MEAF6: variants seen among roughly 807,000 people sequenced by gnomAD.
MEAF6 encodes the protein MYST/Esa1 associated factor 6.
In MEAF6, 15 loss-of-function variants were observed where a neutral mutation model predicts 28.9. That is an observed-to-expected ratio of 0.52 (90% confidence interval 0.35 to 0.80). The LOEUF is 0.80. Among genes scored for constraint, MEAF6 ranks in the 30% least tolerant of loss-of-function variants. The pLI, the probability that MEAF6 is intolerant of heterozygous loss-of-function variation, is 0.01. For missense variants in MEAF6, 178 were observed against 237.5 expected, an observed-to-expected ratio of 0.75 and a Z score of 1.65; for synonymous variants, 97 against 88.7, an observed-to-expected ratio of 1.09 and a Z score of -0.53.
At chr1:37,512,668 C>G (rs1642707105) in intron 2 of MEAF6, among the ~76,000 whole-genome samples, 1 of 152,150 alleles carries the variant, frequency 6.6e-6, no homozygotes, top group Admixed American at 6.5e-5. Context: ...GGCAGGAGGA[C>G]TGCTTGAAAC....
At chr1:37,496,583 C>A in intron 5 of MEAF6, 2 of 1,450,782 alleles carry the variant, frequency 1.4e-6, no homozygotes, top group Non-Finnish European at 1.8e-6. Flanking sequence ...AAAAACTTCC[C>A]AGCCTAACCT....
intron 5 of MEAF6, chr1:37,496,651 C>T: frequency 1.9e-6 from 3 of 1,543,890 alleles, no homozygotes; most frequent in Non-Finnish European, 1.8e-6. Context: ...CTCAAAAAGG[C>T]ATACTGGTGT....
At chr1:37,497,318 A>G (rs1298708113) in intron 5 of MEAF6, among the ~76,000 whole-genome samples, 1 of 152,064 alleles carries the variant, frequency 6.6e-6, no homozygotes, top group Non-Finnish European at 1.5e-5. Flanking sequence ...GGCTCACTGC[A>G]AGCTCTGCCT....
rs1641917006 is a variant in MEAF6, at chr1:37,491,151, C to T, written c.*2948G>A. 6.6e-6 allele frequency among the ~76,000 whole-genome samples: 1 copy of T among 152,316 alleles called. No individual in the cohort carries two copies. Among genetic ancestry groups the T allele is most frequent in the South Asian group, 2.1e-4 (1 of 4,832 alleles). ...AAGCTTAGGCTCTTTAACTTTCAAG[C>T]TTAGACTATTTATCGCTCATTTTAA... On this transcript the variant is annotated 3_prime_UTR_variant, in exon 7 of 7. Transcript: ENST00000296214.
At chr1:37,506,703 T>A (rs1263237241) in intron 4 of MEAF6, among the ~76,000 whole-genome samples, 5 of 152,122 alleles carry the variant, frequency 3.3e-5, no homozygotes, top group Non-Finnish European at 7.4e-5. Context: ...TTGTTTTGTT[T>A]TGTTTTGACA....
chr1:37,500,123 G>A (rs933501118), intron 5 of MEAF6, among the ~76,000 whole-genome samples: 1 of 152,004 alleles, frequency 6.6e-6, no homozygotes, highest in African/African-American at 2.4e-5. Flanking sequence ...ACAGTGAAAC[G>A]TGTCTCTACT....
chr1:37,512,459 G>A (rs1156271129), intron 2 of MEAF6, among the ~76,000 whole-genome samples: 2 of 151,944 alleles, frequency 1.3e-5, no homozygotes, highest in Non-Finnish European at 2.9e-5. Context: ...GTGAATATAG[G>A]TAGGAGGGTA....
At chr1:37,504,097 T>C (rs1229244055) in intron 4 of MEAF6, among the ~76,000 whole-genome samples, 1 of 152,198 alleles carries the variant, frequency 6.6e-6, no homozygotes, top group Non-Finnish European at 1.5e-5. Flanking sequence ...CCCCATGCTA[T>C]TCCTGTGATA....
At chr1:37,500,468 C>T (rs1291450836) in intron 5 of MEAF6, among the ~76,000 whole-genome samples, 1 of 152,112 alleles carries the variant, frequency 6.6e-6, no homozygotes, top group Non-Finnish European at 1.5e-5. Flanking sequence ...TATAGCCTTT[C>T]AAAAATATAT....
At position 37,493,799 on chromosome 1, in the gene MEAF6, G is replaced by T; in HGVS notation, c.*300C>A. On this transcript the variant is annotated 3_prime_UTR_variant, in exon 7 of 7. Coordinates refer to ENST00000296214, the MANE Select transcript of MEAF6 (RefSeq NM_001270875.3). ...GATGAAGCTGGTGCCAGCCAGTTTT[G>T]GGGGAGACATTCATTCTAAGAAGGG... 1.3e-6 allele frequency: 2 copies of T among 1,550,770 alleles called. No homozygotes were observed. The highest frequency in any genetic ancestry group is 1.7e-6 in the Non-Finnish European group (2 of 1,147,044).
At position 37,490,174 on chromosome 1, in the gene MEAF6, GTGTGCC is replaced by G. The variant is rs1641880117; in HGVS notation, c.*3919_*3924del. Among the ~76,000 whole-genome samples the G allele has an allele frequency of 6.8e-6, 1 of 147,372 alleles. No individual in the cohort carries two copies. Among genetic ancestry groups the G allele is most frequent in the African/African-American group, 2.5e-5 (1 of 39,348 alleles). On this transcript the variant is annotated 3_prime_UTR_variant, in exon 7 of 7. Transcript: ENST00000296214. ...CTTCCCACCCCCACCCAGCCATCCT[GTGTGCC>G]CTCTTCCCCTTGGAGGCCACTGCCC...
At chr1:37,511,904 T>C (rs768227966) in intron 2 of MEAF6, among the ~76,000 whole-genome samples, 13 of 152,294 alleles carry the variant, frequency 8.5e-5, no homozygotes, top group Middle Eastern at 3.4e-3. Context: ...TTGGGGACAA[T>C]TGAGGAAATT....
intron 4 of MEAF6, among the ~76,000 whole-genome samples, chr1:37,503,463 C>T (rs1485711573): frequency 1.3e-5 from 2 of 152,036 alleles, no homozygotes; most frequent in African/African-American, 2.4e-5. Context: ...CCAGCTTGGA[C>T]AACACAGCCA....
At chr1:37,510,318 T>C (rs1332211307) in intron 2 of MEAF6, among the ~76,000 whole-genome samples, 1 of 149,496 alleles carries the variant, frequency 6.7e-6, no homozygotes, top group East Asian at 2.0e-4. Context: ...CCTGACCTCA[T>C]GATCTGCCCA....
intron 4 of MEAF6, among the ~76,000 whole-genome samples, chr1:37,504,878 G>A (rs956355840): frequency 2.6e-5 from 4 of 151,076 alleles, no homozygotes; most frequent in African/African-American, 9.7e-5. Flanking sequence ...GCAGAACCAA[G>A]GGACCAGTTT....
rs566292194 is a variant in MEAF6 at position 37,495,092 on chromosome 1, T to G, written c.567+793A>C. Among the ~76,000 whole-genome samples, 34 of 151,986 alleles carry G rather than the reference T, an allele frequency of 2.2e-4. 1 individual carries two copies. The highest frequency in any genetic ancestry group is 3.3e-4 in the Admixed American group (5 of 15,242). ...GCTCACGCCTGTAATCCCAGCACTT[T>G]GGGAGGCTGAGGCGGGTGGATCACG... On this transcript the variant is annotated intron_variant, in intron 6 of 6. Transcript: ENST00000296214.
intron 4 of MEAF6, among the ~76,000 whole-genome samples, chr1:37,504,169 G>A (rs906877216): frequency 6.6e-5 from 10 of 152,108 alleles, no homozygotes; most frequent in East Asian, 1.9e-4. Flanking sequence ...TCCTTCATGC[G>A]TGTTCTCTCT....
chr1:37,498,539 C>T (rs1642195123), intron 5 of MEAF6, among the ~76,000 whole-genome samples: 1 of 151,784 alleles, frequency 6.6e-6, no homozygotes, highest in Admixed American at 6.6e-5. Flanking sequence ...ATCCTCCAGC[C>T]TCATCTCATC....
chr1:37,496,452 T>C, intron 5 of MEAF6: 1 of 522,092 alleles, frequency 1.9e-6, no homozygotes, highest in Non-Finnish European at 3.0e-6. Context: ...AATTTAAATA[T>C]GAGTTAAAGT....
Sources: allele counts gnomAD v4.1 joint callset (sites outside exome capture counted in the v4.1 genomes callset), GRCh38; gene constraint gnomAD v4.1.1; transcripts MANE v1.5; gene names NCBI Gene and HGNC (gene_info 2026-07-23, HGNC 2026-07-21).